The following C1orf87 variants were observed in gnomAD, a reference collection of about 807,000 sequenced individuals.
C1orf87 encodes uncharacterized protein C1orf87.
C1orf87 carries 58 observed loss-of-function variants against 60.5 expected under a neutral mutation model. The ratio of observed to expected loss-of-function variants is 0.96; its 90% CI spans 0.78 to 1.19. The LOEUF (loss-of-function observed/expected upper bound fraction) is 1.19. C1orf87 is among the 50% of genes most tolerant of loss of function. The pLI is 0.00. For missense variants in C1orf87, 673 were observed against 638.6 expected (o/e 1.05, Z -0.58); for synonymous variants, 236 against 227.4 (o/e 1.04, Z -0.34).
rs11376932 is a variant in C1orf87, at chr1:60,032,432, G to GTTTT, written c.1029+1040_1029+1043dup. ...TTCAATTGGCCTCTTTGAGACTCAG[G>GTTTT]TTTTTTTTTTTTTTTTTTTTTTTGA... On this transcript the variant is annotated intron_variant, in intron 7 of 11. Transcript: ENST00000371201. Among the ~76,000 whole-genome samples, 326 of 88,572 alleles carry GTTTT rather than the reference G, an allele frequency of 3.7e-3. 18 individuals carry two copies. Among genetic ancestry groups the GTTTT allele is most frequent in the Non-Finnish European group, 5.1e-3 (247 of 48,018 alleles). 58.1% of individuals were successfully genotyped at this position (88,572 alleles called of 152,430 possible).
chr1:60,007,527 G>A (rs1001058023), intron 9 of C1orf87, among the ~76,000 whole-genome samples: 18 of 151,944 alleles, frequency 1.2e-4, no homozygotes, highest in East Asian at 1.9e-4. Context: ...AATTGAAGCT[G>A]GACATATTGT....
intron 3 of C1orf87, among the ~76,000 whole-genome samples, chr1:60,049,207 A>G (rs946393331): frequency 1.3e-5 from 2 of 152,038 alleles, no homozygotes; most frequent in African/African-American, 4.8e-5. Flanking sequence ...CTATCATTGT[A>G]GCAGTGTATC....
At chr1:60,072,511 T>A in intron 2 of C1orf87, 26 bp downstream of exon 2, 1 of 1,490,348 alleles carries the variant, frequency 6.7e-7, no homozygotes, top group Non-Finnish European at 9.2e-7. Flanking sequence ...CCAAGCAACA[T>A]AGATATTTTT....
At chr1:59,993,754 T>TC (rs1644942997) in intron 11 of C1orf87, among the ~76,000 whole-genome samples, 1 of 144,952 alleles carries the variant, frequency 6.9e-6, no homozygotes, top group South Asian at 2.2e-4. Flanking sequence ...ATAATAAGAA[T>TC]CCTTTTTTTT....
intron 8 of C1orf87, among the ~76,000 whole-genome samples, chr1:60,013,378 G>A (rs969706697): frequency 2.6e-5 from 4 of 151,664 alleles, no homozygotes; most frequent in Non-Finnish European, 4.4e-5. Flanking sequence ...TTGATTCCTC[G>A]TTACCTCTTA....
chr1:60,030,511 A>G (rs552429806), intron 7 of C1orf87, among the ~76,000 whole-genome samples: 5 of 152,322 alleles, frequency 3.3e-5, no homozygotes, highest in South Asian at 2.1e-4. Context: ...AGCTACATGA[A>G]AATGAAGCAA....
chr1:60,049,548 T>C (rs1645398238), intron 3 of C1orf87, among the ~76,000 whole-genome samples: 1 of 152,100 alleles, frequency 6.6e-6, no homozygotes, highest in Non-Finnish European at 1.5e-5. Flanking sequence ...TTGTCAGGTG[T>C]TTATATGCTT....
intron 8 of C1orf87, among the ~76,000 whole-genome samples, chr1:60,014,734 C>T (rs1645113635): frequency 1.3e-5 from 2 of 152,104 alleles, no homozygotes; most frequent in Admixed American, 6.6e-5. Flanking sequence ...ATGTATGTTC[C>T]AGCCATAATG....
intron 8 of C1orf87, among the ~76,000 whole-genome samples, chr1:60,013,596 A>G (rs1645104277): frequency 6.6e-6 from 1 of 151,922 alleles, no homozygotes; most frequent in Non-Finnish European, 1.5e-5. Context: ...AATTTTTCTT[A>G]GAGTAGATTA....
At chr1:60,062,980 T>C (rs1356750340) in intron 2 of C1orf87, among the ~76,000 whole-genome samples, 1 of 152,094 alleles carries the variant, frequency 6.6e-6, no homozygotes, top group Non-Finnish European at 1.5e-5. Flanking sequence ...TCACAGTGCC[T>C]AAAACAAACA....
At position 60,001,087 on chromosome 1, in the gene C1orf87, G is replaced by A; in HGVS notation, c.1262C>T (p.Thr421Ile). ...PEVPEMSQSK[T>I]EHMKTPEEEL... ...ACCCCAGGTGCATACCATATGTTCA[G>A]TTTTGCTTTGAGACATCTCGGGGAC... Residue 421 changes from threonine (T) to isoleucine (I), a missense_variant, in exon 10 of 12, where the codon ACT (threonine) becomes ATT (isoleucine). By Grantham distance (89) the Thr-to-Ile change is moderately conservative. Coordinates refer to ENST00000371201, the MANE Select transcript of C1orf87 (RefSeq NM_152377.3). 6.2e-7 allele frequency: 1 copy of A among 1,608,236 alleles called. No homozygotes were observed. The highest frequency in any genetic ancestry group is 8.5e-7 in the Non-Finnish European group (1 of 1,176,536).
intron 2 of C1orf87, among the ~76,000 whole-genome samples, chr1:60,067,530 G>A (rs1371584886): frequency 1.0e-5 from 1 of 99,328 alleles, no homozygotes; most frequent in Non-Finnish European, 2.2e-5. Context: ...AGAAGTGTCT[G>A]TTCATATCTT....
intron 2 of C1orf87, among the ~76,000 whole-genome samples, chr1:60,063,893 C>G (rs559847951): frequency 1.3e-5 from 2 of 152,012 alleles, no homozygotes; most frequent in Non-Finnish European, 2.9e-5. Context: ...ATAGGATTGA[C>G]GGATGCAAAT....
chr1:60,038,536 A>G (rs1645295194), intron 5 of C1orf87, among the ~76,000 whole-genome samples: 1 of 146,848 alleles, frequency 6.8e-6, no homozygotes, highest in East Asian at 1.9e-4. Context: ...AATAAACATG[A>G]AAAAAAATAA....
chr1:60,069,836 T>C (rs1645573126), intron 2 of C1orf87, among the ~76,000 whole-genome samples: 1 of 152,108 alleles, frequency 6.6e-6, no homozygotes, highest in Non-Finnish European at 1.5e-5. Flanking sequence ...TATTTGGAAA[T>C]AGGGTTATTA....
At chr1:60,061,133 A>C (rs606037) in intron 2 of C1orf87, among the ~76,000 whole-genome samples, 59,958 of 151,962 alleles carry the variant, frequency 0.39, 12,343 homozygotes, top group South Asian at 0.48. Context: ...AACGAGGAGC[A>C]ATCATTATTG....
intron 3 of C1orf87, among the ~76,000 whole-genome samples, chr1:60,054,146 CT>C (rs1005164409): frequency 1.3e-5 from 2 of 152,160 alleles, no homozygotes; most frequent in Non-Finnish European, 2.9e-5. Flanking sequence ...CTATCTTTTG[CT>C]GTAACCAAGG....
chr1:60,055,130 GT>G, intron 3 of C1orf87, 73 bp downstream of exon 3: 3 of 1,271,842 alleles, frequency 2.4e-6, no homozygotes, highest in Non-Finnish European at 3.4e-6. Flanking sequence ...GTGTGTTTTT[GT>G]GTGAACCTAT....
chr1:60,050,464 A>G (rs1277101874), intron 3 of C1orf87, among the ~76,000 whole-genome samples: 2 of 151,006 alleles, frequency 1.3e-5, no homozygotes, highest in African/African-American at 4.9e-5. Flanking sequence ...TTGTTGACAT[A>G]TATGAAGGCC....
Sources: allele counts gnomAD v4.1 joint callset (sites outside exome capture counted in the v4.1 genomes callset), GRCh38; gene constraint gnomAD v4.1.1; transcripts MANE v1.5; gene names NCBI Gene and HGNC (gene_info 2026-07-23, HGNC 2026-07-21).